Variants in CNOT6L observed in about 807,000 individuals in gnomAD.
CNOT6L encodes the protein CCR4-NOT transcription complex subunit 6 like.
Under a neutral mutation model 64.0 loss-of-function variants are expected in CNOT6L, and 7 were observed. That is an observed-to-expected ratio of 0.11 (90% CI 0.06 to 0.21). The LOEUF (loss-of-function observed/expected upper bound fraction) is 0.21, where lower values mean the gene tolerates loss of function less well. CNOT6L is among the 10% of genes least tolerant of loss of function. The probability of loss-of-function intolerance (pLI) is 1.00; values close to 1 mark genes in which losing one functional copy is unlikely to be tolerated. For missense variants in CNOT6L, 245 were observed against 669.0 expected (o/e 0.37, Z 6.99); for synonymous variants, 193 against 243.4 (o/e 0.79, Z 1.93).
At chr4:77,820,150 T>C (rs1418855762), upstream of CNOT6L, among the ~76,000 whole-genome samples, 1 of 151,906 alleles carries the variant, frequency 6.6e-6, no homozygotes, top group Non-Finnish European at 1.5e-5. Flanking sequence ...TCACACACGT[T>C]CACACCCCCG....
chr4:77,778,857 A>G (rs1485098348), intron 1 of CNOT6L, among the ~76,000 whole-genome samples: 1 of 151,522 alleles, frequency 6.6e-6, no homozygotes, highest in Non-Finnish European at 1.5e-5. Context: ...ATCCTGGCTA[A>G]CACGGTGAAA....
intron 10 of CNOT6L, 49 bp from the exon 11 acceptor site, chr4:77,726,418 C>G (rs1721852792): frequency 7.1e-7 from 1 of 1,417,436 alleles, no homozygotes; most frequent in Non-Finnish European, 9.8e-7. Flanking sequence ...AGACCTTACA[C>G]AAGGCTTCAC....
chr4:77,755,991 T>C (rs995144617), intron 5 of CNOT6L, among the ~76,000 whole-genome samples: 2 of 151,510 alleles, frequency 1.3e-5, no homozygotes, highest in African/African-American at 4.9e-5. Context: ...GTTTTTAATA[T>C]ATATTTTTTT....
chr4:77,726,466 G>A, intron 10 of CNOT6L, 97 bp from the exon 11 acceptor site: 1 of 945,276 alleles, frequency 1.1e-6, no homozygotes, highest in Non-Finnish European at 1.6e-6. Context: ...ACCAGGCTCA[G>A]AGTGGTCTTC....
chr4:77,802,031 AAC>A (rs767320048), intron 1 of CNOT6L, among the ~76,000 whole-genome samples: 8 of 152,228 alleles, frequency 5.3e-5, no homozygotes, highest in Non-Finnish European at 8.8e-5. Flanking sequence ...AAAGAAATAT[AAC>A]AGTTTATACA....
intron 1 of CNOT6L, among the ~76,000 whole-genome samples, chr4:77,792,824 T>C (rs916201490): frequency 2.0e-5 from 3 of 151,886 alleles, no homozygotes; most frequent in Non-Finnish European, 4.4e-5. Context: ...CAGTTTTCTA[T>C]GGCAGCACAT....
At chr4:77,761,336 G>A (rs1244143726) in intron 4 of CNOT6L, among the ~76,000 whole-genome samples, 15 of 151,718 alleles carry the variant, frequency 9.9e-5, no homozygotes, top group Non-Finnish European at 2.9e-5. Context: ...GGCTATAGGG[G>A]AAAAAAAGAA....
intron 4 of CNOT6L, among the ~76,000 whole-genome samples, chr4:77,764,000 C>A (rs1053022599): frequency 6.6e-6 from 1 of 152,262 alleles, no homozygotes; most frequent in Non-Finnish European, 1.5e-5. Flanking sequence ...AAAGCTGTAG[C>A]CTTAAATGCT....
chr4:77,729,458 A>G (rs1218818031), intron 9 of CNOT6L, among the ~76,000 whole-genome samples: 2 of 152,208 alleles, frequency 1.3e-5, no homozygotes, highest in Admixed American at 1.3e-4. Flanking sequence ...TTCACCTTGC[A>G]TTTCCCAAGC....
intron 1 of CNOT6L, among the ~76,000 whole-genome samples, chr4:77,810,972 A>G (rs1269678089): frequency 2.0e-5 from 3 of 152,138 alleles, no homozygotes; most frequent in Non-Finnish European, 2.9e-5. Context: ...GAATGACAGG[A>G]TTCCATTCTT....
intron 1 of CNOT6L, among the ~76,000 whole-genome samples, chr4:77,783,929 T>A (rs1729167759): frequency 6.7e-6 from 1 of 150,166 alleles, no homozygotes; most frequent in African/African-American, 2.4e-5. Context: ...ATTAAATATA[T>A]CTCAAGTCAA....
chr4:77,725,757 A>AT (rs1426293939), intron 11 of CNOT6L, among the ~76,000 whole-genome samples: 1 of 151,892 alleles, frequency 6.6e-6, no homozygotes, highest in African/African-American at 2.4e-5. Context: ...TACTATATAA[A>AT]TTCATTCAAA....
At chr4:77,750,833 T>C (rs1560588034) in intron 5 of CNOT6L, among the ~76,000 whole-genome samples, 1 of 152,332 alleles carries the variant, frequency 6.6e-6, no homozygotes, top group East Asian at 1.9e-4. Flanking sequence ...TAACACTGAC[T>C]GGCAGCACTA....
chr4:77,784,171 C>T (rs1033612866), intron 1 of CNOT6L, among the ~76,000 whole-genome samples: 1 of 151,976 alleles, frequency 6.6e-6, no homozygotes, highest in Non-Finnish European at 1.5e-5. Context: ...AGAAAGAAAT[C>T]GAATACAATT....
intron 6 of CNOT6L, among the ~76,000 whole-genome samples, chr4:77,745,635 T>C (rs1724109504): frequency 6.6e-6 from 1 of 152,164 alleles, no homozygotes; most frequent in South Asian, 2.1e-4. Flanking sequence ...AAGCCCTGAT[T>C]TTTATCAGTA....
At chr4:77,736,354 T>C (rs181104858) in intron 8 of CNOT6L, among the ~76,000 whole-genome samples, 1 of 152,342 alleles carries the variant, frequency 6.6e-6, no homozygotes, top group Admixed American at 6.5e-5. Context: ...TTTAAAAGAA[T>C]GAGATTTCTA....
Position 77,751,590 on chromosome 4 carries a change from AAGAC to A in CNOT6L, c.491-3210_491-3207del, listed in dbSNP as rs1724872187. On this transcript the variant is annotated intron_variant, in intron 5 of 11. Coordinates refer to ENST00000504123, the MANE Select transcript of CNOT6L (RefSeq NM_144571.3). ...TCAAGAGCCCAAAGAAATCCATGCT[AAGAC>A]AGATCGTAACTAAACTTCTGAAAAC... Among the ~76,000 whole-genome samples, 3 of 152,172 alleles carry A rather than the reference AAGAC, an allele frequency of 2.0e-5. No homozygotes were observed. The South Asian group carries it at 6.2e-4, about 31-fold the overall frequency.
intron 1 of CNOT6L, among the ~76,000 whole-genome samples, chr4:77,780,154 G>T (rs1728697257): frequency 6.6e-6 from 1 of 152,098 alleles, no homozygotes; most frequent in South Asian, 2.1e-4. Context: ...ATCTCTAAAT[G>T]TGACACTGCT....
intron 1 of CNOT6L, among the ~76,000 whole-genome samples, chr4:77,817,457 A>G (rs1267963056): frequency 6.6e-6 from 1 of 152,236 alleles, no homozygotes; most frequent in Non-Finnish European, 1.5e-5. Context: ...TCAGGGCTGC[A>G]GGAGGCAGAA....
Sources: gnomAD v4.1 joint callset for allele counts (sites outside exome capture counted in the v4.1 genomes callset) on GRCh38, gnomAD v4.1.1 for gene constraint, MANE v1.5 for transcripts, NCBI Gene and HGNC (gene_info 2026-07-23, HGNC 2026-07-21) for gene names.